Variants in DLC1 observed in about 807,000 individuals in gnomAD.
DLC1 encodes DLC1 Rho GTPase activating protein, also known as rho GTPase-activating protein 7.
In DLC1, 54 loss-of-function variants were observed where a neutral mutation model predicts 140.3. That is an observed-to-expected ratio of 0.38 (90% confidence interval 0.31 to 0.48). The LOEUF (loss-of-function observed/expected upper bound fraction) is 0.48. DLC1 is among the 20% of genes least tolerant of loss of function. The pLI is 0.96. For missense variants in DLC1, 2,536 were observed against 1,907.0 expected, an observed-to-expected ratio of 1.33 and a Z score of -6.14; for synonymous variants, 986 against 728.1, an observed-to-expected ratio of 1.35 and a Z score of -5.70.
chr8:13,499,102 T>C lies in DLC1; in HGVS notation c.970A>G (p.Thr324Ala), dbSNP rs1801648405. The C allele has an allele frequency of 1.2e-6, 2 of 1,614,034 alleles. No homozygotes were observed. The highest frequency in any genetic ancestry group is 1.7e-6 in the Non-Finnish European group (2 of 1,179,936). ...DGMQCLQLKE[T>A]LATQEPTDNQ... is the part of the protein sequence containing the mutation. Reference sequence around the variant, plus strand: ...TCTGTGGGTTCCTGGGTGGCCAGGGTCTCCTTTAATTGTAAACACTGCATG... The same window carrying C: ...TCTGTGGGTTCCTGGGTGGCCAGGGCCTCCTTTAATTGTAAACACTGCATG... Residue 324 changes from threonine (T) to alanine (A), a missense_variant, in exon 2 of 18, where the codon ACC (threonine) becomes GCC (alanine). Transcript: ENST00000276297.
At chr8:13,489,093 G>A (rs1162442667) in intron 2 of DLC1, among the ~76,000 whole-genome samples, 1 of 152,066 alleles carries the variant, frequency 6.6e-6, no homozygotes, top group Non-Finnish European at 1.5e-5. Flanking sequence ...GATTACAGGT[G>A]CATGCCACCA....
intron 2 of DLC1, among the ~76,000 whole-genome samples, chr8:13,417,253 C>T (rs939798224): frequency 6.6e-6 from 1 of 151,882 alleles, no homozygotes; most frequent in African/African-American, 2.4e-5. Flanking sequence ...TACATGTGCA[C>T]AATGTGCAGG....
At chr8:13,332,119 G>C (rs926241981) in intron 4 of DLC1, among the ~76,000 whole-genome samples, 1 of 152,124 alleles carries the variant, frequency 6.6e-6, no homozygotes, top group Admixed American at 6.5e-5. Context: ...GAATGTAATT[G>C]CTTATTTTTC....
At chr8:13,562,313 C>G (rs1804271033) in intron 1 of DLC1, among the ~76,000 whole-genome samples, 2 of 152,062 alleles carry the variant, frequency 1.3e-5, no homozygotes, top group African/African-American at 4.8e-5. Flanking sequence ...CTATTTGGAA[C>G]CAAGTCACAG....
At chr8:13,136,808 T>A (rs1252520134) in intron 5 of DLC1, among the ~76,000 whole-genome samples, 1 of 152,188 alleles carries the variant, frequency 6.6e-6, no homozygotes, top group Non-Finnish European at 1.5e-5. Context: ...GTGTTGGGAT[T>A]ACAGGTGTGA....
intron 1 of DLC1, among the ~76,000 whole-genome samples, chr8:13,513,674 G>A (rs567894849): frequency 6.6e-6 from 1 of 151,980 alleles, no homozygotes. Context: ...TGCATTATAA[G>A]TCCACACTTT....
At chr8:13,421,000 T>G (rs1838297699) in intron 2 of DLC1, among the ~76,000 whole-genome samples, 1 of 152,114 alleles carries the variant, frequency 6.6e-6, no homozygotes, top group Non-Finnish European at 1.5e-5. Flanking sequence ...ACTGAGAAAC[T>G]TGTGTGGGTC....
rs116759004 is a variant in DLC1 at position 13,459,788 on chromosome 8, C to G, written c.1023+39261G>C. On this transcript the variant is annotated intron_variant, in intron 2 of 17. Coordinates refer to ENST00000276297, the MANE Select transcript of DLC1 (RefSeq NM_182643.3). Reference sequence around the variant, plus strand: ...GGAAATGTTATGGAAAAACTGCTTCCTGTGAATAAGCATAATAAAACTTGA... The same window carrying G: ...GGAAATGTTATGGAAAAACTGCTTCGTGTGAATAAGCATAATAAAACTTGA... Among the ~76,000 whole-genome samples, 681 of 152,310 alleles carry G rather than the reference C, an allele frequency of 4.5e-3. 4 individuals carry two copies. The highest frequency in any genetic ancestry group is 0.015 in the African/African-American group (644 of 41,558).
At chr8:13,349,940 G>A (rs1022570090) in intron 4 of DLC1, among the ~76,000 whole-genome samples, 2 of 152,148 alleles carry the variant, frequency 1.3e-5, no homozygotes, top group African/African-American at 4.8e-5. Flanking sequence ...TTTTTCCTCC[G>A]ACTTCAGTCT....
intron 2 of DLC1, among the ~76,000 whole-genome samples, chr8:13,462,886 A>C (rs1281923431): frequency 6.6e-6 from 1 of 152,202 alleles, no homozygotes; most frequent in African/African-American, 2.4e-5. Flanking sequence ...CGCATAGTGT[A>C]TCAGTTGCTA....
At chr8:13,478,658 C>T (rs73555489) in intron 2 of DLC1, among the ~76,000 whole-genome samples, 2,887 of 152,314 alleles carry the variant, frequency 0.019, 103 homozygotes, top group African/African-American at 0.065. Context: ...ACCGCTAGAA[C>T]TGTCTCTCCT....
chr8:13,546,279 G>C (rs1803645226), intron 1 of DLC1, among the ~76,000 whole-genome samples: 1 of 151,956 alleles, frequency 6.6e-6, no homozygotes, highest in South Asian at 2.1e-4. Context: ...TAATGTCCAA[G>C]CATTAAAAAT....
chr8:13,488,726 A>G (rs1248651465), intron 2 of DLC1, among the ~76,000 whole-genome samples: 1 of 152,184 alleles, frequency 6.6e-6, no homozygotes, highest in African/African-American at 2.4e-5. Context: ...TTAAGATATA[A>G]CTTTACTTGT....
chr8:13,458,487 C>T (rs539114793), intron 2 of DLC1, among the ~76,000 whole-genome samples: 3 of 152,090 alleles, frequency 2.0e-5, no homozygotes, highest in Non-Finnish European at 4.4e-5. Context: ...AGAGTGAGCT[C>T]ATTAAGTAAT....
chr8:13,485,454 T>G (rs1002943602), intron 2 of DLC1, among the ~76,000 whole-genome samples: 26 of 152,214 alleles, frequency 1.7e-4, no homozygotes, highest in Admixed American at 1.6e-3. Flanking sequence ...TACCACATTT[T>G]GCTGTGACAT....
intron 1 of DLC1, chr8:13,567,081 T>C (rs1804463841): frequency 1.3e-6 from 2 of 1,551,756 alleles, no homozygotes; most frequent in East Asian, 2.4e-5. Context: ...ACTCTACTGA[T>C]GAGGTACAGA....
intron 5 of DLC1, among the ~76,000 whole-genome samples, chr8:13,237,228 CAT>C (rs1345475315): frequency 8.4e-4 from 67 of 79,700 alleles, no homozygotes; most frequent in South Asian, 5.5e-3. Flanking sequence ...TGTGTGTATA[CAT>C]ATATATATAT....
chr8:13,518,089 G>T (rs982774843), upstream of DLC1, among the ~76,000 whole-genome samples: 3 of 139,296 alleles, frequency 2.2e-5, no homozygotes, highest in Non-Finnish European at 4.6e-5. Flanking sequence ...GTATTTTAAA[G>T]ATCACCTTTC....
At chr8:13,132,169 C>G (rs757803945) in intron 5 of DLC1, among the ~76,000 whole-genome samples, 1 of 151,504 alleles carries the variant, frequency 6.6e-6, no homozygotes, top group African/African-American at 2.4e-5. Flanking sequence ...TTCAGGGACA[C>G]GATTCAGCGA....
Sources: gnomAD v4.1 joint callset for allele counts (sites outside exome capture counted in the v4.1 genomes callset) on GRCh38, gnomAD v4.1.1 for gene constraint, MANE v1.5 for transcripts, NCBI Gene and HGNC (gene_info 2026-07-23, HGNC 2026-07-21) for gene names.